The following AK4 variants were observed in gnomAD, a reference collection of about 807,000 sequenced individuals.
AK4 encodes adenylate kinase 4.
A neutral mutation model predicts 24.6 loss-of-function variants in AK4; 13 were observed. The observed-to-expected ratio is 0.53, with a 90% CI of 0.34 to 0.84. AK4 has a LOEUF of 0.84. Ranked by LOEUF, AK4 falls within the 40% of genes least tolerant of loss-of-function variation. AK4 has a pLI of 0.01. For synonymous variants in AK4, 88 were observed against 107.0 expected (o/e 0.82, Z 1.10); for missense variants, 192 against 288.2 (o/e 0.67, Z 2.42).
chr1:65,162,170 C>T (rs1317296624), intron 1 of AK4, among the ~76,000 whole-genome samples: 1 of 151,984 alleles, frequency 6.6e-6, no homozygotes. Flanking sequence ...CACTTGTGCC[C>T]AGGAGGTGGA....
chr1:65,211,039 T>G (rs1013347031), intron 2 of AK4, among the ~76,000 whole-genome samples: 2 of 152,178 alleles, frequency 1.3e-5, no homozygotes, highest in Non-Finnish European at 2.9e-5. Flanking sequence ...GCAGTATGAC[T>G]GGAAACAACT....
At chr1:65,162,816 C>T (rs962406065) in intron 1 of AK4, among the ~76,000 whole-genome samples, 1 of 152,174 alleles carries the variant, frequency 6.6e-6, no homozygotes, top group Non-Finnish European at 1.5e-5. Flanking sequence ...CCCATTTCCC[C>T]CTTGCCCCAG....
chr1:65,202,436 T>C (rs891513660), intron 2 of AK4, among the ~76,000 whole-genome samples: 2 of 152,016 alleles, frequency 1.3e-5, no homozygotes, highest in African/African-American at 4.8e-5. Flanking sequence ...ACTGGATTAT[T>C]AACCTTTTAA....
chr1:65,189,478 A>G (rs560287490), intron 1 of AK4, among the ~76,000 whole-genome samples: 28 of 151,706 alleles, frequency 1.8e-4, no homozygotes, highest in African/African-American at 6.5e-4. Context: ...GGGTTTCTCC[A>G]TGTTGGTCAG....
At chr1:65,182,397 T>C (rs1427266147) in intron 1 of AK4, among the ~76,000 whole-genome samples, 1 of 152,172 alleles carries the variant, frequency 6.6e-6, no homozygotes, top group Non-Finnish European at 1.5e-5. Context: ...AGCTCTCTCA[T>C]AGGTTACTGC....
intron 2 of AK4, among the ~76,000 whole-genome samples, chr1:65,193,392 A>G (rs528310211): frequency 8.3e-4 from 126 of 152,268 alleles, no homozygotes; most frequent in African/African-American, 2.9e-3. Context: ...GATCTCCGAA[A>G]TGCCTTTTAG....
chr1:65,167,753 G>T (rs562272062), intron 1 of AK4, among the ~76,000 whole-genome samples: 1 of 152,238 alleles, frequency 6.6e-6, no homozygotes, highest in South Asian at 2.1e-4. Flanking sequence ...CAGCTAACTC[G>T]CCTTCTCTGG....
intron 1 of AK4, among the ~76,000 whole-genome samples, chr1:65,169,073 G>A (rs1440182102): frequency 6.6e-6 from 1 of 151,706 alleles, no homozygotes; most frequent in Non-Finnish European, 1.5e-5. Flanking sequence ...CTACTAGGGC[G>A]GATGAGATGG....
intron 1 of AK4, among the ~76,000 whole-genome samples, chr1:65,187,633 C>T (rs930644236): frequency 6.6e-6 from 1 of 152,120 alleles, no homozygotes; most frequent in African/African-American, 2.4e-5. Flanking sequence ...GGATTACCTT[C>T]TATCTGAAGG....
intron 4 of AK4, among the ~76,000 whole-genome samples, chr1:65,225,836 A>G (rs1026660391): frequency 1.3e-5 from 2 of 152,082 alleles, no homozygotes; most frequent in Non-Finnish European, 2.9e-5. Flanking sequence ...TTAAAGGGGG[A>G]GAAAAAAGGT....
In AK4 at chr1:65,148,556, A is replaced by C; in HGVS notation, c.145+4A>C. 4 of 1,598,194 alleles carry C rather than the reference A, an allele frequency of 2.5e-6. No individual in the cohort carries two copies. The highest frequency in any genetic ancestry group is 3.4e-6 in the Non-Finnish European group (4 of 1,172,476). On this transcript the variant is annotated splice_donor_region_variant and intron_variant, in intron 1 of 4. Coordinates refer to ENST00000327299, the MANE Select transcript of AK4 (RefSeq NM_013410.4). ...GAGAACATCAAGGCCAGCACCGGTG[A>C]GGGGCTGCGGGGACGAGGGCCGGGG... is the stretch of plus-strand genomic sequence containing the variant.
chr1:65,176,970 C>T (rs555741201), intron 1 of AK4, among the ~76,000 whole-genome samples: 1 of 152,202 alleles, frequency 6.6e-6, no homozygotes, highest in Non-Finnish European at 1.5e-5. Context: ...TTTTTAATCT[C>T]ACAATTAGTG....
chr1:65,220,133 C>T (rs192669262), intron 3 of AK4, among the ~76,000 whole-genome samples: 26 of 152,200 alleles, frequency 1.7e-4, no homozygotes, highest in African/African-American at 7.2e-5. Flanking sequence ...ACAGTTTATT[C>T]GTTTTGAAGA....
intron 1 of AK4, among the ~76,000 whole-genome samples, chr1:65,186,765 A>G (rs1276594939): frequency 6.6e-6 from 1 of 152,160 alleles, no homozygotes; most frequent in South Asian, 2.1e-4. Context: ...TGCTCCTTGC[A>G]TCTTTTCTGA....
chr1:65,160,557 A>G (rs1040349209), intron 1 of AK4, among the ~76,000 whole-genome samples: 4 of 152,136 alleles, frequency 2.6e-5, no homozygotes, highest in African/African-American at 9.7e-5. Context: ...AGCCTCTTTT[A>G]TAAGACACAA....
At chr1:65,158,784 G>T (rs1252678196) in intron 1 of AK4, among the ~76,000 whole-genome samples, 1 of 152,064 alleles carries the variant, frequency 6.6e-6, no homozygotes, top group South Asian at 2.1e-4. Flanking sequence ...TGGGATTACA[G>T]GTGTGAGCCA....
chr1:65,176,712 C>A (rs1650728497), intron 1 of AK4, among the ~76,000 whole-genome samples: 2 of 152,054 alleles, frequency 1.3e-5, no homozygotes, highest in Non-Finnish European at 2.9e-5. Context: ...CTCTCTCTTG[C>A]AGATGAGGAA....
rs1408415766 is a variant in AK4, at chr1:65,231,621, C to T, written c.*5444C>T. ...CTTTGGCTATATAGTCAGAAATGTC[C>T]TAAATAACAAACTATTTTGTATTTA... is the stretch of plus-strand genomic sequence containing the variant. On this transcript the variant is annotated 3_prime_UTR_variant, in exon 5 of 5. Transcript: ENST00000327299. 1 of 152,024 alleles carries T rather than the reference C, an allele frequency of 6.6e-6. No individual in the cohort carries two copies. The highest frequency in any genetic ancestry group is 2.4e-5 in the African/African-American group (1 of 41,374). 9.4% of individuals were successfully genotyped at this position (152,024 alleles called of 1,614,324 possible). A position where few individuals can be genotyped will look rare whatever the true frequency, so the allele number is the denominator to read the frequency against.
intron 4 of AK4, among the ~76,000 whole-genome samples, chr1:65,225,185 G>A (rs1463602580): frequency 6.6e-6 from 1 of 152,172 alleles, no homozygotes; most frequent in African/African-American, 2.4e-5. Context: ...TCCCACATAT[G>A]TTGATACTCC....
Sources: gnomAD v4.1 joint callset for allele counts (sites outside exome capture counted in the v4.1 genomes callset) on GRCh38, gnomAD v4.1.1 for gene constraint, MANE v1.5 for transcripts, NCBI Gene and HGNC (gene_info 2026-07-23, HGNC 2026-07-21) for gene names.